C8orf34: variants seen among roughly 807,000 people sequenced by gnomAD.
C8orf34 encodes the protein chromosome 8 open reading frame 34, also known as uncharacterized protein C8orf34.
C8orf34 carries 65 observed loss-of-function variants against 68.3 expected under a neutral mutation model. The ratio of observed to expected loss-of-function variants is 0.95; its 90% CI spans 0.78 to 1.17. The LOEUF (loss-of-function observed/expected upper bound fraction) is 1.17, where lower values mean the gene tolerates loss of function less well. Ranked by LOEUF, C8orf34 falls within the 50% of genes most tolerant of loss-of-function variation. The pLI, the probability that C8orf34 is intolerant of heterozygous loss-of-function variation, is 0.00. For synonymous variants in C8orf34, 244 were observed against 241.2 expected (o/e 1.01, Z -0.11); for missense variants, 664 against 655.4 (o/e 1.01, Z -0.14).
chr8:68,459,198 G>C (rs1223089870), intron 3 of C8orf34, among the ~76,000 whole-genome samples: 1 of 152,090 alleles, frequency 6.6e-6, no homozygotes, highest in Non-Finnish European at 1.5e-5. Context: ...AGGATGCAGA[G>C]AAAAGGGAAC....
intron 7 of C8orf34, among the ~76,000 whole-genome samples, chr8:68,639,939 G>A (rs1448639592): frequency 6.6e-6 from 1 of 152,182 alleles, no homozygotes; most frequent in East Asian, 1.9e-4. Context: ...GAGGATTTAT[G>A]CAATTGGTTT....
Position 68,467,377 on chromosome 8 carries a change from CA to C in C8orf34, c.608-1312del, listed in dbSNP as rs1216697765. ...CACTAATGCTTTGCCAAACCCTGCC[CA>C]AAGAATTAAACCTTCTCAATATGAT... is the stretch of plus-strand genomic sequence containing the variant. On this transcript the variant is annotated intron_variant, in intron 3 of 13. Coordinates refer to ENST00000518698, the MANE Select transcript of C8orf34 (RefSeq NM_052958.4). 5.9e-5 allele frequency among the ~76,000 whole-genome samples: 9 copies of C among 152,090 alleles called. 2 individuals are homozygous for C. Among genetic ancestry groups the C allele is most frequent in the Admixed American group, 6.6e-5 (1 of 15,258 alleles).
At chr8:68,505,591 C>T (rs1360702772) in intron 5 of C8orf34, among the ~76,000 whole-genome samples, 1 of 133,048 alleles carries the variant, frequency 7.5e-6, no homozygotes, top group East Asian at 2.1e-4. Context: ...ATTAGCCGGG[C>T]GCGGTGGCGG....
chr8:68,444,165 T>G (rs2129626482), intron 2 of C8orf34, among the ~76,000 whole-genome samples: 1 of 152,310 alleles, frequency 6.6e-6, no homozygotes, highest in Non-Finnish European at 1.5e-5. Flanking sequence ...ACTATCAGTT[T>G]TCTCTTTCTG....
intron 7 of C8orf34, among the ~76,000 whole-genome samples, chr8:68,539,098 G>A (rs1446524968): frequency 6.6e-6 from 1 of 152,054 alleles, no homozygotes; most frequent in African/African-American, 2.4e-5. Flanking sequence ...ACAATTTGAT[G>A]GTTTCACATT....
intron 4 of C8orf34, among the ~76,000 whole-genome samples, chr8:68,469,856 A>G (rs1382276480): frequency 7.9e-6 from 1 of 126,560 alleles, no homozygotes; most frequent in East Asian, 2.2e-4. Context: ...TTGTCTTGGT[A>G]TATTTTGAAA....
chr8:68,522,257 A>T (rs191308791), intron 6 of C8orf34, among the ~76,000 whole-genome samples: 1 of 152,234 alleles, frequency 6.6e-6, no homozygotes, highest in Admixed American at 6.5e-5. Flanking sequence ...GCCAGTCAAG[A>T]CCTACTATAA....
intron 7 of C8orf34, among the ~76,000 whole-genome samples, chr8:68,567,887 T>A (rs1586385835): frequency 6.6e-6 from 1 of 152,052 alleles, no homozygotes; most frequent in East Asian, 1.9e-4. Flanking sequence ...TCTACATGCC[T>A]TCCTCACTAA....
chr8:68,647,237 A>G (rs1819203009), intron 8 of C8orf34, among the ~76,000 whole-genome samples: 1 of 152,028 alleles, frequency 6.6e-6, no homozygotes, highest in Non-Finnish European at 1.5e-5. Context: ...TTAAAACCGC[A>G]AAAAGATATT....
intron 5 of C8orf34, among the ~76,000 whole-genome samples, chr8:68,520,440 TG>T (rs1814699425): frequency 6.6e-6 from 1 of 152,134 alleles, no homozygotes; most frequent in South Asian, 2.1e-4. Context: ...GAATTTTTAT[TG>T]TTTTTTTTAA....
intron 4 of C8orf34, among the ~76,000 whole-genome samples, chr8:68,475,078 G>A (rs1195776461): frequency 6.6e-6 from 1 of 152,062 alleles, no homozygotes; most frequent in Non-Finnish European, 1.5e-5. Flanking sequence ...CTTTCTTTAT[G>A]CACCGCACTC....
chr8:68,787,268 G>A (rs561854082), intron 11 of C8orf34, among the ~76,000 whole-genome samples, 175 bp from the exon 12 acceptor site: 7 of 152,156 alleles, frequency 4.6e-5, no homozygotes, highest in African/African-American at 1.7e-4. Context: ...TTCAGAGTTT[G>A]TAGTATGTCT....
chr8:68,365,205 G>T (rs1202733438), intron 1 of C8orf34, among the ~76,000 whole-genome samples: 1 of 125,788 alleles, frequency 7.9e-6, no homozygotes, highest in East Asian at 2.5e-4. Context: ...GGAAGAAGTT[G>T]AATCTCTTAA....
At chr8:68,484,186 A>G (rs968286655) in intron 4 of C8orf34, among the ~76,000 whole-genome samples, 1 of 152,158 alleles carries the variant, frequency 6.6e-6, no homozygotes, top group Non-Finnish European at 1.5e-5. Context: ...GGTGCTACAC[A>G]TTTTCTATAC....
intron 11 of C8orf34, among the ~76,000 whole-genome samples, chr8:68,777,258 C>G (rs966890716): frequency 1.3e-5 from 2 of 152,196 alleles, no homozygotes; most frequent in Non-Finnish European, 2.9e-5. Context: ...GCTGATGCCT[C>G]TTGTAATATG....
intron 12 of C8orf34, among the ~76,000 whole-genome samples, chr8:68,805,513 G>A (rs1403952959): frequency 2.0e-5 from 3 of 152,034 alleles, no homozygotes; most frequent in Non-Finnish European, 4.4e-5. Context: ...AAATTTTGGT[G>A]CTATATTAGT....
chr8:68,702,220 A>G (rs1013308087), intron 8 of C8orf34, among the ~76,000 whole-genome samples: 1 of 152,048 alleles, frequency 6.6e-6, no homozygotes, highest in South Asian at 2.1e-4. Context: ...GGCACTCTCC[A>G]TAGATACTCC....
intron 7 of C8orf34, among the ~76,000 whole-genome samples, chr8:68,586,474 CTAGT>C (rs1817213646): frequency 6.6e-6 from 1 of 152,094 alleles, no homozygotes; most frequent in African/African-American, 2.4e-5. Context: ...TTTGTGAGGG[CTAGT>C]TAGTTAAAAC....
At chr8:68,628,619 A>G (rs933174037) in intron 7 of C8orf34, among the ~76,000 whole-genome samples, 1 of 152,208 alleles carries the variant, frequency 6.6e-6, no homozygotes, top group Non-Finnish European at 1.5e-5. Context: ...ATATAAATCA[A>G]CAAACCAATT....
Sources: gnomAD v4.1 joint callset for allele counts (sites outside exome capture counted in the v4.1 genomes callset) on GRCh38, gnomAD v4.1.1 for gene constraint, MANE v1.5 for transcripts, NCBI Gene and HGNC (gene_info 2026-07-23, HGNC 2026-07-21) for gene names.